Variants in SMAD4 observed in about 807,000 individuals in gnomAD.
SMAD4 encodes SMAD family member 4.
Under a neutral mutation model 63.2 loss-of-function variants are expected in SMAD4, and 7 were observed. The ratio of observed to expected loss-of-function variants is 0.11; its 90% CI spans 0.06 to 0.21. The LOEUF is 0.21. Ranked by LOEUF, SMAD4 falls within the 10% of genes least tolerant of loss-of-function variation. The pLI is 1.00. For synonymous variants in SMAD4, 215 were observed against 235.4 expected (o/e 0.91, Z 0.79); for missense variants, 312 against 693.8 (o/e 0.45, Z 6.18).
chr18:51,066,394 G>T (rs556803754), intron 9 of SMAD4, among the ~76,000 whole-genome samples: 141 of 151,746 alleles, frequency 9.3e-4, no homozygotes, highest in Non-Finnish European at 1.7e-3. Flanking sequence ...TGCTTACAGT[G>T]AAATATTACA....
At chr18:51,051,806 A>AT (rs924453713) in intron 4 of SMAD4, among the ~76,000 whole-genome samples, 1,815 of 148,386 alleles carry the variant, frequency 0.012, 39 homozygotes, top group African/African-American at 0.042. Flanking sequence ...CTCTTAGAAC[A>AT]TTTTTTTTTT....
At chr18:51,073,176 G>A (rs1278415441) in intron 10 of SMAD4, among the ~76,000 whole-genome samples, 1 of 151,704 alleles carries the variant, frequency 6.6e-6, no homozygotes, top group Admixed American at 6.6e-5. Flanking sequence ...GCTGATGTTA[G>A]CATAGATTCA....
At chr18:51,053,567 T>G (rs1909765294) in intron 4 of SMAD4, 1 of 152,176 alleles carries the variant, frequency 6.6e-6, no homozygotes, top group Non-Finnish European at 1.5e-5. Context: ...AATATCATCT[T>G]CATGACTTTT....
Position 51,042,229 on chromosome 18 carries a change from A to G in SMAD4, c.-127-4691A>G, listed in dbSNP as rs539617007. On this transcript the variant is annotated intron_variant, in intron 1 of 11. Coordinates refer to ENST00000342988, the MANE Select transcript of SMAD4 (RefSeq NM_005359.6). The stretch of plus-strand genomic sequence containing the variant: ...TTAGCCCAGAACCTAACTCTATAAT[A>G]TATATTCACTTTGCCAGGAGTTAAA... Among the ~76,000 whole-genome samples, 141 of 151,824 alleles carry G rather than the reference A, an allele frequency of 9.3e-4. 5 individuals carry two copies. In the South Asian group the frequency reaches 0.028, roughly 31 times the overall value.
At chr18:51,071,887 GACTT>G (rs965040041) in intron 10 of SMAD4, among the ~76,000 whole-genome samples, 26 of 152,266 alleles carry the variant, frequency 1.7e-4, no homozygotes, top group South Asian at 4.1e-4. Context: ...AGTCTTTTAT[GACTT>G]ACTTCTTTTC....
At chr18:51,039,072 A>C (rs1465722352) in intron 1 of SMAD4, among the ~76,000 whole-genome samples, 5 of 152,220 alleles carry the variant, frequency 3.3e-5, no homozygotes, top group Non-Finnish European at 7.3e-5. Flanking sequence ...ATGCCTCTGC[A>C]GTCCAGCCTG....
intron 4 of SMAD4, 127 bp from the exon 5 acceptor site, chr18:51,054,654 C>G (rs1909791080): frequency 1.5e-6 from 1 of 663,248 alleles, no homozygotes; most frequent in African/African-American, 1.8e-5. Context: ...TGAAAAAATT[C>G]TGAATTAAGG....
At chr18:51,073,390 C>CACAT (rs1910379123) in intron 10 of SMAD4, among the ~76,000 whole-genome samples, 4 of 31,050 alleles carry the variant, frequency 1.3e-4, no homozygotes, top group African/African-American at 5.3e-4. Flanking sequence ...TATATATATA[C>CACAT]ACACACACAC....
At chr18:51,069,532 CT>C (rs2144458616) in intron 10 of SMAD4, among the ~76,000 whole-genome samples, 1 of 152,150 alleles carries the variant, frequency 6.6e-6, no homozygotes, top group East Asian at 1.9e-4. Context: ...TTTTTTCTTC[CT>C]GTCATTGCTT....
intron 1 of SMAD4, among the ~76,000 whole-genome samples, chr18:51,042,491 C>T (rs1466015873): frequency 1.3e-5 from 2 of 152,022 alleles, no homozygotes; most frequent in Non-Finnish European, 2.9e-5. Flanking sequence ...CCCACCTCAG[C>T]CTTCTGAGTA....
intron 10 of SMAD4, among the ~76,000 whole-genome samples, chr18:51,071,189 G>A (rs185996413): frequency 6.6e-6 from 1 of 152,074 alleles, no homozygotes; most frequent in East Asian, 1.9e-4. Context: ...ATATTATTGG[G>A]GTAAATTGTA....
chr18:51,071,558 T>C (rs772987585), intron 10 of SMAD4, among the ~76,000 whole-genome samples: 4 of 152,208 alleles, frequency 2.6e-5, no homozygotes, highest in Non-Finnish European at 4.4e-5. Context: ...AAGTAAAATA[T>C]GTTTTGTTTT....
intron 7 of SMAD4, among the ~76,000 whole-genome samples, chr18:51,058,687 T>C (rs1487221704): frequency 2.6e-5 from 4 of 152,222 alleles, no homozygotes; most frequent in African/African-American, 9.6e-5. Flanking sequence ...TTGCTAATGT[T>C]TCATTAACAT....
rs898823301 is a variant in SMAD4, at chr18:51,081,607, CAT to C, written c.*3141_*3142del. ...GGCTTAAGGAGAGCCATACTTGAGA[CAT>C]GTGAGTAAACTGAACTCATATTAGC... On this transcript the variant is annotated 3_prime_UTR_variant, in exon 12 of 12. Coordinates refer to ENST00000342988, the MANE Select transcript of SMAD4 (RefSeq NM_005359.6). 71 of 232,730 alleles carry C rather than the reference CAT, an allele frequency of 3.1e-4. No homozygotes were observed. The highest frequency in any genetic ancestry group is 1.1e-3 in the African/African-American group (51 of 45,404). The allele number at this position is 232,730 out of a possible 1,614,324, so 14.4% of individuals were successfully genotyped here.
At chr18:51,074,212 C>CAA (rs533055652) in intron 10 of SMAD4, among the ~76,000 whole-genome samples, 20 of 88,102 alleles carry the variant, frequency 2.3e-4, no homozygotes, top group Admixed American at 4.9e-4. Context: ...TCATCTCTAC[C>CAA]AAAAAAAAAA....
Position 51,048,723 on chromosome 18 carries a change from C to T in SMAD4, c.287C>T (p.Ala96Val), listed in dbSNP as rs2144405304. 6.2e-7 allele frequency: 1 copy of T among 1,613,952 alleles called. No homozygotes were observed. Among genetic ancestry groups the T allele is most frequent in the Non-Finnish European group, 8.5e-7 (1 of 1,179,946 alleles). ...AAAGGATTTCCTCATGTGATCTATG[C>T]CCGTCTCTGGAGGTGGCCTGATCTT... is the stretch of plus-strand genomic sequence containing the variant. ...GRKGFPHVIY[A>V]RLWRWPDLHK... The change falls in exon 3 of 12, where the codon GCC (alanine) becomes GTC (valine). Residue 96 changes from alanine to valine, a missense_variant. By Grantham distance (64) the Ala-to-Val change is moderately conservative. Transcript: ENST00000342988.
intron 8 of SMAD4, among the ~76,000 whole-genome samples, chr18:51,060,581 A>G (rs1909981532): frequency 6.6e-6 from 1 of 152,198 alleles, no homozygotes; most frequent in Non-Finnish European, 1.5e-5. Flanking sequence ...TGGAAACTAT[A>G]AACTCAATTT....
At chr18:51,031,150 A>G (rs955716315) in intron 1 of SMAD4, among the ~76,000 whole-genome samples, 1 of 152,176 alleles carries the variant, frequency 6.6e-6, no homozygotes, top group East Asian at 1.9e-4. Flanking sequence ...GGTATGCAGG[A>G]CACATTCTTA....
intron 4 of SMAD4, chr18:51,051,244 A>G (rs972636746): frequency 1.0e-5 from 4 of 386,904 alleles, no homozygotes. Flanking sequence ...TATTGATGGG[A>G]TTGTACGGGT....
Sources: gnomAD v4.1 joint callset for allele counts (sites outside exome capture counted in the v4.1 genomes callset) on GRCh38, gnomAD v4.1.1 for gene constraint, MANE v1.5 for transcripts, NCBI Gene and HGNC (gene_info 2026-07-23, HGNC 2026-07-21) for gene names.